The following KLHL28 variants were observed in gnomAD, a reference collection of about 807,000 sequenced individuals.
KLHL28 encodes the protein kelch like family member 28.
KLHL28 carries 22 observed loss-of-function variants against 48.3 expected under a neutral mutation model. The observed-to-expected ratio is 0.46, with a 90% CI of 0.33 to 0.65. KLHL28 has a LOEUF of 0.65. Among genes scored for constraint, KLHL28 ranks in the 30% least tolerant of loss-of-function variants. KLHL28 has a pLI of 0.03. For missense variants in KLHL28, 527 were observed against 704.3 expected (o/e 0.75, Z 2.85); for synonymous variants, 243 against 242.4 (o/e 1.00, Z -0.02).
chr14:44,932,551 T>A (rs1330695137), intron 3 of KLHL28, among the ~76,000 whole-genome samples: 2 of 152,204 alleles, frequency 1.3e-5, no homozygotes, highest in Non-Finnish European at 2.9e-5. Flanking sequence ...GAGGTAAGAT[T>A]GTTGGGCTTG....
intron 2 of KLHL28, among the ~76,000 whole-genome samples, chr14:44,943,611 T>C (rs1178078562): frequency 6.6e-6 from 1 of 151,840 alleles, no homozygotes; most frequent in Non-Finnish European, 1.5e-5. Flanking sequence ...GAGCTGAGAT[T>C]GCACCACTGC....
At chr14:44,958,393 TA>T (rs139748762) in intron 1 of KLHL28, among the ~76,000 whole-genome samples, 3,159 of 149,482 alleles carry the variant, frequency 0.021, 126 homozygotes, top group African/African-American at 0.073. Flanking sequence ...AGATTACTCT[TA>T]AAAAAAAAAT....
chr14:44,946,067 T>C (rs561558477), intron 1 of KLHL28, 139 bp from the exon 2 acceptor site: 571 of 657,582 alleles, frequency 8.7e-4, no homozygotes, highest in Non-Finnish European at 1.3e-3. Flanking sequence ...TAGTAAATAC[T>C]AGAACTAGAG....
chr14:44,942,660 C>G (rs1337890106), intron 2 of KLHL28, among the ~76,000 whole-genome samples: 2 of 152,038 alleles, frequency 1.3e-5, no homozygotes, highest in Non-Finnish European at 2.9e-5. Flanking sequence ...TCCTGAATAT[C>G]CCATAATGTA....
At chr14:44,955,927 GC>G (rs1185641532) in intron 1 of KLHL28, among the ~76,000 whole-genome samples, 1 of 152,110 alleles carries the variant, frequency 6.6e-6, no homozygotes, top group Non-Finnish European at 1.5e-5. Context: ...AATAATAACT[GC>G]AATTGATTAA....
chr14:44,956,150 A>G (rs1884786126), intron 1 of KLHL28, among the ~76,000 whole-genome samples: 1 of 152,144 alleles, frequency 6.6e-6, no homozygotes, highest in Non-Finnish European at 1.5e-5. Flanking sequence ...TTTAAGAGAT[A>G]GGGTCTTGCT....
At chr14:44,946,312 G>A (rs1376487821) in intron 1 of KLHL28, among the ~76,000 whole-genome samples, 1 of 152,140 alleles carries the variant, frequency 6.6e-6, no homozygotes, top group Non-Finnish European at 1.5e-5. Context: ...CTTGGTTAAA[G>A]TAAAATTATA....
At position 44,945,536 on chromosome 14, in the gene KLHL28, T is replaced by C. The variant is rs373919731; in HGVS notation, c.393A>G (p.Gln131=). ...LKECCAFLES[Q]LDPGNCIGIS... is the part of the protein sequence containing the mutation. ...TTCCAATACAATTACCAGGATCAAG[T>C]TGGCTTTCAAGAAATGCACAACATT... The change falls in exon 2 of 5, where the codon CAA becomes CAG. Residue 131 remains glutamine (Q), a synonymous_variant. Coordinates refer to ENST00000396128, the MANE Select transcript of KLHL28 (RefSeq NM_017658.5). 23 of 1,614,080 alleles carry C rather than the reference T, an allele frequency of 1.4e-5. No homozygotes were observed. The Middle Eastern group carries it at 8.2e-4, about 58-fold the overall frequency.
rs943081933 is a variant in KLHL28, at chr14:44,928,885, T to C, written c.*143A>G. ...ACCAAAACTACTTCTCAATTAAAAG[T>C]ACCCAACAAAACTTTTGAGCCTTCA... On this transcript the variant is annotated 3_prime_UTR_variant, in exon 5 of 5. Coordinates refer to ENST00000396128, the MANE Select transcript of KLHL28 (RefSeq NM_017658.5). The C allele has an allele frequency of 1.6e-6, 1 of 614,236 alleles. No homozygotes were observed. The allele number at this position is 614,236 out of a possible 1,614,324, so 38.0% of individuals were successfully genotyped here.
chr14:44,939,727 CTTAAG>C (rs1163946405), intron 2 of KLHL28, among the ~76,000 whole-genome samples: 2 of 151,678 alleles, frequency 1.3e-5, no homozygotes, highest in Non-Finnish European at 2.9e-5. Flanking sequence ...ATCATGCCCA[CTTAAG>C]TTATCTCTAA....
At chr14:44,948,907 C>T (rs1376741468) in intron 1 of KLHL28, among the ~76,000 whole-genome samples, 2 of 152,190 alleles carry the variant, frequency 1.3e-5, no homozygotes, top group East Asian at 1.9e-4. Flanking sequence ...TTCAATTATA[C>T]GTGTTGCTCT....
chr14:44,943,848 G>A (rs968627907), intron 2 of KLHL28, among the ~76,000 whole-genome samples: 8 of 151,458 alleles, frequency 5.3e-5, no homozygotes, highest in Non-Finnish European at 1.0e-4. Context: ...CTGATTAGCT[G>A]GGACTACAGG....
At chr14:44,938,441 G>A (rs978492365) in intron 2 of KLHL28, among the ~76,000 whole-genome samples, 8 of 151,432 alleles carry the variant, frequency 5.3e-5, no homozygotes, top group African/African-American at 1.5e-4. Flanking sequence ...GTGCAATCTC[G>A]GCTCACTGCA....
chr14:44,950,782 T>C (rs1193397484), intron 1 of KLHL28, among the ~76,000 whole-genome samples: 1 of 152,216 alleles, frequency 6.6e-6, no homozygotes, highest in African/African-American at 2.4e-5. Context: ...CACTCAGTAA[T>C]TGGTAGACGT....
intron 1 of KLHL28, among the ~76,000 whole-genome samples, chr14:44,947,775 C>G (rs886248276): frequency 4.6e-5 from 7 of 152,102 alleles, no homozygotes; most frequent in African/African-American, 1.7e-4. Context: ...AATTTTAAGT[C>G]AGTTAATAAA....
chr14:44,948,171 G>A (rs1057206650), intron 1 of KLHL28, among the ~76,000 whole-genome samples: 5 of 152,136 alleles, frequency 3.3e-5, no homozygotes, highest in East Asian at 1.9e-4. Context: ...AGCAGTCCTC[G>A]TTAACTTTAC....
intron 1 of KLHL28, among the ~76,000 whole-genome samples, chr14:44,948,491 T>C (rs566427432): frequency 1.1e-3 from 170 of 152,266 alleles, no homozygotes; most frequent in South Asian, 0.011. Context: ...TAAGTATTAA[T>C]TGTTTCATTC....
chr14:44,931,701 C>T (rs1389869599), intron 3 of KLHL28, among the ~76,000 whole-genome samples, 160 bp from the exon 4 acceptor site: 1 of 152,116 alleles, frequency 6.6e-6, no homozygotes, highest in Non-Finnish European at 1.5e-5. Flanking sequence ...GATAAGATTG[C>T]AAAGATAAAA....
intron 2 of KLHL28, among the ~76,000 whole-genome samples, chr14:44,940,531 C>T (rs544201752): frequency 6.6e-6 from 1 of 152,218 alleles, no homozygotes; most frequent in Non-Finnish European, 1.5e-5. Context: ...GTTCTCAGAG[C>T]TTCCCCAATT....
Sources: allele counts gnomAD v4.1 joint callset (sites outside exome capture counted in the v4.1 genomes callset), GRCh38; gene constraint gnomAD v4.1.1; transcripts MANE v1.5; gene names NCBI Gene and HGNC (gene_info 2026-07-23, HGNC 2026-07-21).